Variants in EFHD1 observed in about 807,000 individuals in gnomAD.
EFHD1 encodes EF-hand domain-containing protein D1.
EFHD1 carries 10 observed loss-of-function variants against 17.2 expected under a neutral mutation model. That is an observed-to-expected ratio of 0.58 (90% CI 0.36 to 0.99). EFHD1 has a LOEUF of 0.99. EFHD1 is among the 50% of genes least tolerant of loss of function. The probability of loss-of-function intolerance (pLI) is 0.01; values close to 1 mark genes in which losing one functional copy is unlikely to be tolerated. For missense variants in EFHD1, 310 were observed against 327.5 expected, an observed-to-expected ratio of 0.95 and a Z score of 0.41; for synonymous variants, 153 against 142.0, an observed-to-expected ratio of 1.08 and a Z score of -0.55.
At chr2:232,647,978 T>A (rs1264889273) in intron 1 of EFHD1, among the ~76,000 whole-genome samples, 3 of 152,044 alleles carry the variant, frequency 2.0e-5, no homozygotes, top group Non-Finnish European at 4.4e-5. Context: ...GGTGGCTCAC[T>A]CCTGTAGTCC....
chr2:232,616,696 TG>T (rs1356909289), intron 1 of EFHD1, among the ~76,000 whole-genome samples: 6 of 151,642 alleles, frequency 4.0e-5, no homozygotes, highest in Non-Finnish European at 7.4e-5. Flanking sequence ...GGATGGAGAG[TG>T]GGTATTTAAT....
chr2:232,635,279 G>A (rs1336669888), intron 1 of EFHD1, among the ~76,000 whole-genome samples: 1 of 152,240 alleles, frequency 6.6e-6, no homozygotes, highest in Non-Finnish European at 1.5e-5. Flanking sequence ...GCCCTGGCCG[G>A]GCTGCTCCCA....
chr2:232,613,837 CATACACACACAAATAT>C (rs1364957902), intron 1 of EFHD1, among the ~76,000 whole-genome samples: 1 of 151,030 alleles, frequency 6.6e-6, no homozygotes, highest in Non-Finnish European at 1.5e-5. Flanking sequence ...AATATACACA[CATACACACACAAATAT>C]ATACACACAT....
At chr2:232,677,589 G>A (rs540773713) in intron 3 of EFHD1, among the ~76,000 whole-genome samples, 2 of 152,158 alleles carry the variant, frequency 1.3e-5, no homozygotes, top group African/African-American at 4.8e-5. Flanking sequence ...TGGGTATGGC[G>A]GTGCATGTCT....
chr2:232,667,965 A>C (rs563540560), intron 2 of EFHD1, among the ~76,000 whole-genome samples: 1 of 152,348 alleles, frequency 6.6e-6, no homozygotes, highest in South Asian at 2.1e-4. Flanking sequence ...GAGTGTTTGC[A>C]TCATCGGCCG....
Position 232,675,187 on chromosome 2 carries a change from A to AAGAG in EFHD1, c.585+2752_585+2755dup, listed in dbSNP as rs112446492. Among the ~76,000 whole-genome samples, 705 of 146,984 alleles carry AAGAG rather than the reference A, an allele frequency of 4.8e-3. 12 individuals are homozygous for AAGAG. Among genetic ancestry groups the AAGAG allele is most frequent in the African/African-American group, 0.017 (656 of 39,576 alleles). ...CACGACTCCACCTCAAAAGAAAAAAAAGAGAGAGAGAAAAGAAAGGAAGGA... is the reference window on the plus strand; with the variant it reads ...CACGACTCCACCTCAAAAGAAAAAAAAGAGAGAGAGAGAGAAAAGAAAGGAAGGA... On this transcript the variant is annotated intron_variant, in intron 3 of 3. Transcript: ENST00000264059.
At chr2:232,661,055 C>T (rs1440899930) in intron 1 of EFHD1, among the ~76,000 whole-genome samples, 1 of 151,770 alleles carries the variant, frequency 6.6e-6, no homozygotes, top group Non-Finnish European at 1.5e-5. Context: ...GGCTGAGGCA[C>T]TAGAAACGCT....
At chr2:232,614,084 T>C (rs949815103) in intron 1 of EFHD1, among the ~76,000 whole-genome samples, 1 of 148,346 alleles carries the variant, frequency 6.7e-6, no homozygotes, top group African/African-American at 2.5e-5. Context: ...TATACACACA[T>C]ATATACACAC....
rs1255548851 is a variant in EFHD1 at position 232,677,268 on chromosome 2, CACACAT to C, written c.586-4311_586-4306del. Among the ~76,000 whole-genome samples, 138 of 30,680 alleles carry C rather than the reference CACACAT, an allele frequency of 4.5e-3. 2 individuals are homozygous for C. The highest frequency in any genetic ancestry group is 0.016 in the South Asian group (13 of 794). 20.1% of individuals were successfully genotyped at this position (30,680 alleles called of 152,430 possible). A position where few individuals can be genotyped will look rare whatever the true frequency, so the allele number is the denominator to read the frequency against. On this transcript the variant is annotated intron_variant, in intron 3 of 3. Transcript: ENST00000264059. The stretch of plus-strand genomic sequence containing the variant: ...TACACACACACATCTTTCTATAACA[CACACAT>C]ACACACACACACACACACACGTACA...
chr2:232,613,756 A>ATG (rs1693858840), intron 1 of EFHD1, among the ~76,000 whole-genome samples: 1 of 151,154 alleles, frequency 6.6e-6, no homozygotes, highest in Non-Finnish European at 1.5e-5. Flanking sequence ...ACACACAAAT[A>ATG]CGCACACACA....
At chr2:232,610,577 C>G (rs901157522) in intron 1 of EFHD1, among the ~76,000 whole-genome samples, 1 of 151,422 alleles carries the variant, frequency 6.6e-6, no homozygotes, top group East Asian at 1.9e-4. Context: ...CCCCCCGCCC[C>G]GAAAAAATAT....
At chr2:232,675,126 A>G (rs1695145522) in intron 3 of EFHD1, among the ~76,000 whole-genome samples, 1 of 151,302 alleles carries the variant, frequency 6.6e-6, no homozygotes, top group Admixed American at 6.6e-5. Context: ...CAGTGAGCCG[A>G]GATCGTGTCA....
At chr2:232,641,055 T>G (rs1694422463) in intron 1 of EFHD1, among the ~76,000 whole-genome samples, 1 of 152,066 alleles carries the variant, frequency 6.6e-6, no homozygotes, top group Admixed American at 6.6e-5. Context: ...ATTATTACTA[T>G]TTTTTGAAAC....
intron 1 of EFHD1, chr2:232,650,232 A>G (rs965707286): frequency 6.6e-6 from 1 of 151,032 alleles, no homozygotes; most frequent in African/African-American, 2.4e-5. Flanking sequence ...AAGCTCTAGG[A>G]TGCAAACAGG....
At chr2:232,638,405 G>A (rs920984640) in intron 1 of EFHD1, 3 of 471,046 alleles carry the variant, frequency 6.4e-6, no homozygotes, top group Non-Finnish European at 1.3e-5. Flanking sequence ...TTTTTCTTAA[G>A]AATCTGAAAC....
chr2:232,616,141 T>A (rs1166372594), intron 1 of EFHD1, among the ~76,000 whole-genome samples: 1 of 152,010 alleles, frequency 6.6e-6, no homozygotes, highest in Non-Finnish European at 1.5e-5. Flanking sequence ...TGCCGACAGA[T>A]GAATGGAGAA....
At chr2:232,616,147 G>T (rs1693925059) in intron 1 of EFHD1, among the ~76,000 whole-genome samples, 1 of 152,150 alleles carries the variant, frequency 6.6e-6, no homozygotes, top group African/African-American at 2.4e-5. Flanking sequence ...CAGATGAATG[G>T]AGAAATCAAA....
intron 1 of EFHD1, among the ~76,000 whole-genome samples, chr2:232,613,720 A>G (rs1383884673): frequency 6.6e-6 from 1 of 151,650 alleles, no homozygotes; most frequent in African/African-American, 2.4e-5. Flanking sequence ...ACACAAATAT[A>G]CACACACATA....
chr2:232,667,361 G>T (rs544184667), intron 2 of EFHD1, among the ~76,000 whole-genome samples: 11 of 152,066 alleles, frequency 7.2e-5, no homozygotes, highest in Non-Finnish European at 1.6e-4. Flanking sequence ...GCTGTTCTTG[G>T]AAGGATAATG....
Sources: gnomAD v4.1 joint callset for allele counts (sites outside exome capture counted in the v4.1 genomes callset) on GRCh38, gnomAD v4.1.1 for gene constraint, MANE v1.5 for transcripts, NCBI Gene and HGNC (gene_info 2026-07-23, HGNC 2026-07-21) for gene names.